The following AGMO variants were observed in gnomAD, a reference collection of about 807,000 sequenced individuals.
AGMO encodes the protein alkylglycerol monooxygenase.
A neutral mutation model predicts 60.2 loss-of-function variants in AGMO; 75 were observed. The observed-to-expected ratio is 1.25, with a 90% CI of 1.03 to 1.51. The LOEUF (loss-of-function observed/expected upper bound fraction) is 1.51, where lower values mean the gene tolerates loss of function less well. Among genes scored for constraint, AGMO ranks in the 40% most tolerant of loss-of-function variants. The pLI is 0.00. For synonymous variants in AGMO, 261 were observed against 177.1 expected, an observed-to-expected ratio of 1.47 and a Z score of -3.76; for missense variants, 763 against 525.5, an observed-to-expected ratio of 1.45 and a Z score of -4.42.
At chr7:15,347,254 T>C (rs1782067760) in intron 12 of AGMO, among the ~76,000 whole-genome samples, 1 of 152,094 alleles carries the variant, frequency 6.6e-6, no homozygotes, top group Non-Finnish European at 1.5e-5. Context: ...ATCTATTTCC[T>C]GGCTCTTCAC....
intron 3 of AGMO, among the ~76,000 whole-genome samples, chr7:15,497,953 A>G (rs754826699): frequency 7.9e-5 from 12 of 152,040 alleles, no homozygotes; most frequent in Non-Finnish European, 1.5e-4. Flanking sequence ...TATGGGCATC[A>G]TATCATGCTT....
chr7:15,428,532 TAATAAA>T (rs966478237), intron 4 of AGMO, among the ~76,000 whole-genome samples: 1 of 152,124 alleles, frequency 6.6e-6, no homozygotes, highest in Non-Finnish European at 1.5e-5. Flanking sequence ...TGCATTGACT[TAATAAA>T]GAAAAGGACA....
chr7:15,463,511 A>G (rs1283418095), intron 3 of AGMO, among the ~76,000 whole-genome samples: 1 of 152,192 alleles, frequency 6.6e-6, no homozygotes, highest in Non-Finnish European at 1.5e-5. Context: ...AGTTGTCCTT[A>G]AGATTCTACA....
At chr7:15,159,798 C>G in the AGMO span, among the ~76,000 whole-genome samples, 1 of 152,118 alleles carries the variant, frequency 6.6e-6, no homozygotes, top group African/African-American at 2.4e-5. Flanking sequence ...TTTCTACATG[C>G]GATTCTCAAG....
At chr7:15,187,170 A>G in the AGMO span, among the ~76,000 whole-genome samples, 13 of 151,728 alleles carry the variant, frequency 8.6e-5, no homozygotes, top group South Asian at 2.7e-3. Flanking sequence ...AATTGTGTCT[A>G]TGTTTCTTGC....
chr7:15,273,871 T>TA (rs1783695212), intron 12 of AGMO, among the ~76,000 whole-genome samples: 2 of 152,322 alleles, frequency 1.3e-5, no homozygotes, highest in South Asian at 4.1e-4. Context: ...GGTATTTTGT[T>TA]CTCTTTGAAG....
At chr7:15,485,628 G>A (rs1782899854) in intron 3 of AGMO, among the ~76,000 whole-genome samples, 1 of 152,114 alleles carries the variant, frequency 6.6e-6, no homozygotes, top group South Asian at 2.1e-4. Flanking sequence ...CATGTTTGCG[G>A]GGGAGTCTTA....
At chr7:15,175,614 A>G in the AGMO span, among the ~76,000 whole-genome samples, 5 of 126,124 alleles carry the variant, frequency 4.0e-5, no homozygotes, top group South Asian at 1.1e-3. Context: ...ATAATTCAAC[A>G]GATGATTTTA....
intron 3 of AGMO, among the ~76,000 whole-genome samples, chr7:15,441,453 T>G (rs2128502187): frequency 6.6e-6 from 1 of 152,326 alleles, no homozygotes; most frequent in Admixed American, 6.5e-5. Flanking sequence ...AGTTAAGGAT[T>G]TTATCATGCT....
At chr7:15,507,840 GA>G (rs1783559816) in intron 3 of AGMO, among the ~76,000 whole-genome samples, 1 of 152,076 alleles carries the variant, frequency 6.6e-6, no homozygotes, top group African/African-American at 2.4e-5. Context: ...CAGATCAAGT[GA>G]ATGCACTGAT....
At chr7:15,547,855 T>TG (rs1258103343) in intron 2 of AGMO, among the ~76,000 whole-genome samples, 2 of 152,074 alleles carry the variant, frequency 1.3e-5, no homozygotes, top group Admixed American at 1.3e-4. Context: ...GCTCCACCTC[T>TG]GGGGGCAGGG....
intron 4 of AGMO, among the ~76,000 whole-genome samples, chr7:15,419,155 G>A (rs901051277): frequency 6.6e-6 from 1 of 151,778 alleles, no homozygotes; most frequent in African/African-American, 2.4e-5. Flanking sequence ...TTGTATGATT[G>A]ATTGATGACA....
At chr7:15,332,271 G>A (rs1261138553) in intron 12 of AGMO, among the ~76,000 whole-genome samples, 1 of 152,050 alleles carries the variant, frequency 6.6e-6, no homozygotes, top group Admixed American at 6.6e-5. Flanking sequence ...TCCCTATCAG[G>A]ACTCCCCTCC....
the AGMO span, among the ~76,000 whole-genome samples, chr7:15,160,898 T>C: frequency 6.6e-6 from 1 of 152,168 alleles, no homozygotes; most frequent in Non-Finnish European, 1.5e-5. Flanking sequence ...CCCACAGTTC[T>C]GGAGGAGGGA....
At chr7:15,256,469 A>C (rs62450274) in intron 12 of AGMO, among the ~76,000 whole-genome samples, 15,193 of 152,064 alleles carry the variant, frequency 0.1, 802 homozygotes, top group East Asian at 0.21. Context: ...CAGCCTCCCG[A>C]GTAGCTGGGA....
At chr7:15,147,332 T>A in the AGMO span, among the ~76,000 whole-genome samples, 1 of 152,070 alleles carries the variant, frequency 6.6e-6, no homozygotes. Flanking sequence ...AGTCCACAGT[T>A]CTAGATAGCT....
At chr7:15,261,855 A>G (rs111336554) in intron 12 of AGMO, among the ~76,000 whole-genome samples, 12,055 of 152,048 alleles carry the variant, frequency 0.079, 1,550 homozygotes, top group African/African-American at 0.27. Flanking sequence ...ACATCCAGAA[A>G]TCAATAAATG....
intron 3 of AGMO, among the ~76,000 whole-genome samples, chr7:15,521,152 G>A (rs888501039): frequency 1.4e-4 from 22 of 152,218 alleles, no homozygotes; most frequent in African/African-American, 5.3e-4. Context: ...CCAAGAAAAA[G>A]TTGAATCCCT....
chr7:15,485,408 A>G (rs1203964898), intron 3 of AGMO, among the ~76,000 whole-genome samples: 1 of 152,182 alleles, frequency 6.6e-6, no homozygotes, highest in Non-Finnish European at 1.5e-5. Flanking sequence ...GTGATTGTCA[A>G]CAATATCAGT....
Sources: gnomAD v4.1 joint callset for allele counts (sites outside exome capture counted in the v4.1 genomes callset) on GRCh38, gnomAD v4.1.1 for gene constraint, MANE v1.5 for transcripts, NCBI Gene and HGNC (gene_info 2026-07-23, HGNC 2026-07-21) for gene names.